RIPOR3: variants seen among roughly 807,000 people sequenced by gnomAD.
The protein encoded by RIPOR3 is family with sequence similarity 65 member C.
A neutral mutation model predicts 114.3 loss-of-function variants in RIPOR3; 95 were observed. The observed-to-expected ratio is 0.83, with a 90% CI of 0.70 to 0.99. The LOEUF (loss-of-function observed/expected upper bound fraction) is 0.99. Ranked by LOEUF, RIPOR3 falls within the 50% of genes least tolerant of loss-of-function variation. RIPOR3 has a pLI of 0.00. For synonymous variants in RIPOR3, 575 were observed against 543.8 expected (o/e 1.06, Z -0.80); for missense variants, 1,252 against 1,266.9 (o/e 0.99, Z 0.18).
At chr20:50,654,885 AC>A (rs745720658) in intron 1 of RIPOR3, among the ~76,000 whole-genome samples, 2 of 152,112 alleles carry the variant, frequency 1.3e-5, no homozygotes, top group Non-Finnish European at 2.9e-5. Flanking sequence ...AGCTGGGACT[AC>A]AGGCACGCAC....
intron 1 of RIPOR3, among the ~76,000 whole-genome samples, chr20:50,632,183 C>A (rs1313012920): frequency 6.6e-6 from 1 of 152,154 alleles, no homozygotes; most frequent in East Asian, 1.9e-4. Flanking sequence ...TCCCCCACCC[C>A]ACAGCCCCAC....
intron 1 of RIPOR3, among the ~76,000 whole-genome samples, chr20:50,642,377 TGA>T (rs1252869368): frequency 0.026 from 3,857 of 147,856 alleles, 54 homozygotes; most frequent in Middle Eastern, 0.08. Context: ...TGTGTGTGTG[TGA>T]GAGAGAGAGA....
chr20:50,666,367 G>C (rs1022238183), intron 1 of RIPOR3, among the ~76,000 whole-genome samples: 1 of 150,450 alleles, frequency 6.6e-6, no homozygotes, highest in Admixed American at 6.7e-5. Context: ...TGGGACTACA[G>C]GTGCCTGCCA....
intron 4 of RIPOR3, among the ~76,000 whole-genome samples, chr20:50,613,343 C>T (rs2084040222): frequency 1.3e-5 from 2 of 151,976 alleles, no homozygotes; most frequent in East Asian, 1.9e-4. Context: ...ATCCTAGCTA[C>T]TCAGGAGGCT....
intron 1 of RIPOR3, among the ~76,000 whole-genome samples, chr20:50,664,666 A>G (rs552432811): frequency 1.3e-5 from 2 of 152,256 alleles, no homozygotes; most frequent in South Asian, 4.1e-4. Context: ...AATTGCAAAG[A>G]GTTTCAGCTC....
intron 1 of RIPOR3, among the ~76,000 whole-genome samples, chr20:50,640,706 C>A (rs567097612): frequency 3.4e-4 from 52 of 152,078 alleles, no homozygotes; most frequent in African/African-American, 1.3e-3. Context: ...GACTTCCACA[C>A]CCTGCCGCTG....
At chr20:50,628,911 G>C (rs1383378980) in intron 2 of RIPOR3, among the ~76,000 whole-genome samples, 24 of 152,212 alleles carry the variant, frequency 1.6e-4, no homozygotes, top group Non-Finnish European at 1.2e-4. Flanking sequence ...GGGGGTGGAG[G>C]TGGGGTCCTA....
chr20:50,606,640 CAG>C (rs1253576744), intron 11 of RIPOR3, among the ~76,000 whole-genome samples: 1 of 152,136 alleles, frequency 6.6e-6, no homozygotes, highest in Non-Finnish European at 1.5e-5. Context: ...GAACCTCAAA[CAG>C]GGTACTTAAA....
At chr20:50,598,599 A>T (rs1286130239) in intron 13 of RIPOR3, among the ~76,000 whole-genome samples, 4 of 152,228 alleles carry the variant, frequency 2.6e-5, no homozygotes, top group Admixed American at 2.6e-4. Context: ...TGTGTATGTA[A>T]GTGTGTATCA....
chr20:50,632,117 C>T (rs1401683236), intron 1 of RIPOR3, among the ~76,000 whole-genome samples: 2 of 152,162 alleles, frequency 1.3e-5, no homozygotes, highest in East Asian at 3.9e-4. Flanking sequence ...CCAGCATCTA[C>T]TACTGCACCT....
chr20:50,679,166 AG>A, intron 1 of RIPOR3, among the ~76,000 whole-genome samples: 1 of 88,006 alleles, frequency 1.1e-5, no homozygotes, highest in African/African-American at 3.9e-5. Context: ...ACACACACAC[AG>A]AGAGAGAGAG....
chr20:50,640,557 A>G (rs2085152634), intron 1 of RIPOR3, among the ~76,000 whole-genome samples: 1 of 149,934 alleles, frequency 6.7e-6, no homozygotes, highest in Non-Finnish European at 1.5e-5. Context: ...ACTCCAAAGC[A>G]CTCTTCGGCC....
intron 3 of RIPOR3, among the ~76,000 whole-genome samples, chr20:50,616,592 C>T (rs111494808): frequency 0.016 from 2,366 of 152,198 alleles, 75 homozygotes; most frequent in African/African-American, 0.054. Flanking sequence ...GATCTGTCTG[C>T]CTTGGCCTCC....
intron 19 of RIPOR3, among the ~76,000 whole-genome samples, chr20:50,591,666 T>C (rs2083112449): frequency 6.6e-6 from 1 of 152,186 alleles, no homozygotes; most frequent in African/African-American, 2.4e-5. Flanking sequence ...TGTGGCGCCT[T>C]AAACGTACAG....
chr20:50,608,509 G>A lies in RIPOR3; in HGVS notation c.836C>T (p.Ser279Leu), dbSNP rs754931644. 30 of 1,613,862 alleles carry A rather than the reference G, an allele frequency of 1.9e-5. No homozygotes were observed. Among genetic ancestry groups the A allele is most frequent in the Non-Finnish European group, 2.5e-5 (29 of 1,179,898 alleles). Residue 279 changes from serine to leucine, a missense_variant, in exon 11 of 22, where the codon TCG (serine) becomes TTG (leucine). By Grantham distance (145) the Ser-to-Leu change is moderately radical. Coordinates refer to ENST00000327979, the MANE Select transcript of RIPOR3 (RefSeq NM_001290268.2). ...IKVTELRGLG[S>L]LAVGAVTCDI... ...ACACGTCACTGCACCCACAGCCAGC[G>A]AGCCCAGGCCCCGCAACTCCGTCAC...
intron 3 of RIPOR3, among the ~76,000 whole-genome samples, chr20:50,617,227 G>A (rs1026193612): frequency 6.6e-6 from 1 of 152,096 alleles, no homozygotes; most frequent in Non-Finnish European, 1.5e-5. Flanking sequence ...TCCCAGGAAG[G>A]TCACTCACAC....
At chr20:50,587,713 T>G (rs2082966361) in intron 21 of RIPOR3, 89 bp downstream of exon 21, 10 of 1,313,976 alleles carry the variant, frequency 7.6e-6, no homozygotes, top group Non-Finnish European at 1.1e-5. Context: ...AGAGTTGTTC[T>G]GCCTGCTGGG....
In RIPOR3 at chr20:50,602,493, T is replaced by G. The variant is rs2083537603; in HGVS notation, c.1238A>C (p.Glu413Ala). The stretch of plus-strand genomic sequence containing the variant: ...GCTGGTCTCCGTGTCTCGGGGGTCC[T>G]CAGAGCTGAAGGAGTCCATCTCAGG... ...ELPEMDSFSS[E>A]DPRDTETSTS... is the part of the protein sequence containing the mutation. The change falls in exon 13 of 22, where the codon GAG becomes GCG. Residue 413 changes from glutamate (E) to alanine (A), a missense_variant. By Grantham distance (107) the Glu-to-Ala change is moderately radical (BLOSUM62 -1). Transcript: ENST00000327979. This position sits in a 1 kb window ranked among gnomAD's most constrained non-coding sequence, Gnocchi z 4.3. The G allele has an allele frequency of 1.9e-6, 3 of 1,561,074 alleles. No individual in the cohort carries two copies. Among genetic ancestry groups the G allele is most frequent in the Non-Finnish European group, 2.6e-6 (3 of 1,151,382 alleles).
chr20:50,607,556 C>G (rs1307393910), intron 11 of RIPOR3, among the ~76,000 whole-genome samples: 13 of 152,182 alleles, frequency 8.5e-5, no homozygotes, highest in Admixed American at 8.5e-4. Flanking sequence ...GTCTGCAGAC[C>G]CGCAGGCACC....
Sources: allele counts gnomAD v4.1 joint callset (sites outside exome capture counted in the v4.1 genomes callset), GRCh38; gene constraint gnomAD v4.1.1; non-coding constraint Gnocchi (gnomAD v3.1); transcripts MANE v1.5; gene names NCBI Gene and HGNC (gene_info 2026-07-23, HGNC 2026-07-21).